Variants in PTCHD4 observed in about 807,000 individuals in gnomAD.
The protein encoded by PTCHD4 is patched domain-containing protein 4.
PTCHD4 carries 33 observed loss-of-function variants against 58.1 expected under a neutral mutation model. That is an observed-to-expected ratio of 0.57 (90% confidence interval 0.43 to 0.76). The LOEUF is 0.76. Among genes scored for constraint, PTCHD4 ranks in the 30% least tolerant of loss-of-function variants. PTCHD4 has a pLI of 0.00. For synonymous variants in PTCHD4, 478 were observed against 409.6 expected, an observed-to-expected ratio of 1.17 and a Z score of -2.02; for missense variants, 1,058 against 1,027.1, an observed-to-expected ratio of 1.03 and a Z score of -0.41.
Position 48,026,634 on chromosome 6 carries a change from C to G in PTCHD4, c.418-17520G>C, listed in dbSNP as rs1039153437. ...CTACATTCACTGGGGCTTTAGGTCC[C>G]CTATGCTCCACTGGAAGCTCTCAAG... On this transcript the variant is annotated intron_variant, in intron 3 of 4. Coordinates refer to ENST00000339488, the MANE Select transcript of PTCHD4 (RefSeq NM_001384253.1). 4.6e-5 allele frequency among the ~76,000 whole-genome samples: 7 copies of G among 152,162 alleles called. No homozygotes were observed. In the South Asian group the frequency reaches 1.5e-3, roughly 32 times the overall value.
At chr6:47,990,621 C>T (rs1368184648) in intron 4 of PTCHD4, among the ~76,000 whole-genome samples, 1 of 152,190 alleles carries the variant, frequency 6.6e-6, no homozygotes, top group Non-Finnish European at 1.5e-5. Flanking sequence ...TTCCCTCCCA[C>T]CATGATTCTG....
intron 3 of PTCHD4, among the ~76,000 whole-genome samples, chr6:48,017,648 A>C (rs1762912228): frequency 6.6e-6 from 1 of 152,174 alleles, no homozygotes; most frequent in African/African-American, 2.4e-5. Context: ...CAATTGCTCT[A>C]TGAAGAAGTG....
At chr6:47,993,405 C>T (rs1044828314) in intron 4 of PTCHD4, among the ~76,000 whole-genome samples, 5 of 152,160 alleles carry the variant, frequency 3.3e-5, no homozygotes, top group African/African-American at 1.2e-4. Context: ...GCTCTGCCCT[C>T]AAGACTTCCA....
At chr6:47,903,645 T>C (rs928962128) in intron 4 of PTCHD4, among the ~76,000 whole-genome samples, 5 of 152,184 alleles carry the variant, frequency 3.3e-5, no homozygotes, top group Non-Finnish European at 7.3e-5. Context: ...CAATATATAT[T>C]TATTGAATGT....
intron 1 of PTCHD4, among the ~76,000 whole-genome samples, chr6:48,093,703 C>T (rs948999372): frequency 3.3e-5 from 5 of 151,882 alleles, no homozygotes; most frequent in South Asian, 4.1e-4. Context: ...CCCCTTTTCC[C>T]CACCTTCATA....
At chr6:48,004,087 G>A (rs1768851413) in intron 4 of PTCHD4, among the ~76,000 whole-genome samples, 1 of 152,058 alleles carries the variant, frequency 6.6e-6, no homozygotes, top group Non-Finnish European at 1.5e-5. Context: ...GTCCTAAAAC[G>A]TAAGGTTCAT....
Position 48,068,493 on chromosome 6 carries a change from T to C in PTCHD4, c.154A>G (p.Thr52Ala), listed in dbSNP as rs1183036214. The C allele has an allele frequency of 2.5e-6, 4 of 1,613,128 alleles. No homozygotes were observed. The highest frequency in any genetic ancestry group is 4.5e-5 in the East Asian group (2 of 44,820). Reference sequence around the variant, plus strand: ...CGGTTGAGCGCGCTGAGGCCGAAGGTGATTGTCAGGACTGCGGGCACGGTG... The same window carrying C: ...CGGTTGAGCGCGCTGAGGCCGAAGGCGATTGTCAGGACTGCGGGCACGGTG... The part of the protein sequence containing the change: ...FLTVPAVLTI[T>A]FGLSALNRFQ... The change falls in exon 3 of 5, where the codon ACC becomes GCC. Residue 52 changes from threonine to alanine, a missense_variant. Transcript: ENST00000339488. The surrounding 1 kb of genome is among the most constrained non-coding windows in gnomAD (Gnocchi z 4.2).
intron 4 of PTCHD4, among the ~76,000 whole-genome samples, chr6:48,003,560 G>A (rs997237721): frequency 2.0e-5 from 3 of 152,044 alleles, no homozygotes; most frequent in South Asian, 2.1e-4. Flanking sequence ...TATATCCCAC[G>A]CAAAATTTGC....
chr6:47,995,555 C>T (rs556115050), intron 4 of PTCHD4, among the ~76,000 whole-genome samples: 8 of 152,206 alleles, frequency 5.3e-5, no homozygotes, highest in African/African-American at 1.7e-4. Flanking sequence ...TAATGGGATT[C>T]CTTCGTTGAG....
intron 4 of PTCHD4, among the ~76,000 whole-genome samples, chr6:47,967,682 A>C (rs371799671): frequency 9.8e-5 from 15 of 152,314 alleles, no homozygotes; most frequent in East Asian, 5.8e-4. Context: ...TTGTGATTGC[A>C]CTTGGTACCA....
intron 3 of PTCHD4, among the ~76,000 whole-genome samples, chr6:48,065,158 C>T (rs1262296463): frequency 1.3e-5 from 2 of 152,184 alleles, no homozygotes; most frequent in East Asian, 1.9e-4. Flanking sequence ...GTTGTCATAA[C>T]AAAGGTTTCT....
At chr6:47,901,883 C>G in intron 4 of PTCHD4, 1 of 1,303,588 alleles carries the variant, frequency 7.7e-7, no homozygotes, top group Non-Finnish European at 1.0e-6. Context: ...TCTCTCCTTT[C>G]TTTCTTCCAA....
At chr6:48,025,828 C>A (rs966728153) in intron 3 of PTCHD4, among the ~76,000 whole-genome samples, 1 of 152,128 alleles carries the variant, frequency 6.6e-6, no homozygotes. Context: ...GTTGCCTGGA[C>A]CTCATTGGAG....
At chr6:48,045,172 C>T (rs1444914842) in intron 3 of PTCHD4, among the ~76,000 whole-genome samples, 1 of 151,778 alleles carries the variant, frequency 6.6e-6, no homozygotes, top group Admixed American at 6.6e-5. Flanking sequence ...GTCGGCCCTG[C>T]ATCTAAATTG....
chr6:48,039,076 TGCACTTGGAGACAG>T (rs1260692450), intron 3 of PTCHD4, among the ~76,000 whole-genome samples: 2 of 152,166 alleles, frequency 1.3e-5, no homozygotes, highest in African/African-American at 4.8e-5. Flanking sequence ...TTAGCATACA[TGCACTTGGAGACAG>T]GCACAAAAAT....
At chr6:48,103,212 C>T (rs1765645759) in intron 1 of PTCHD4, among the ~76,000 whole-genome samples, 1 of 152,170 alleles carries the variant, frequency 6.6e-6, no homozygotes, top group South Asian at 2.1e-4. Context: ...CCAGTAGGGG[C>T]AGACTGACAC....
At chr6:48,040,657 G>A (rs1266795360) in intron 3 of PTCHD4, among the ~76,000 whole-genome samples, 1 of 152,096 alleles carries the variant, frequency 6.6e-6, no homozygotes, top group East Asian at 1.9e-4. Flanking sequence ...TATGTATTAA[G>A]TGTCAACTAT....
chr6:48,062,033 G>A (rs73479656), intron 3 of PTCHD4, among the ~76,000 whole-genome samples: 2,811 of 152,232 alleles, frequency 0.018, 90 homozygotes, highest in African/African-American at 0.065. Context: ...ACAGGTCTGG[G>A]CAAAAGCTGG....
chr6:48,019,750 T>A (rs184454044), intron 3 of PTCHD4, among the ~76,000 whole-genome samples: 27,485 of 143,402 alleles, frequency 0.19, 2,919 homozygotes, highest in South Asian at 0.24. Context: ...AAAAAAAAAA[T>A]AATAATATAT....
Sources: gnomAD v4.1 joint callset for allele counts (sites outside exome capture counted in the v4.1 genomes callset) on GRCh38, gnomAD v4.1.1 for gene constraint, Gnocchi (gnomAD v3.1) non-coding constraint, MANE v1.5 for transcripts, NCBI Gene and HGNC (gene_info 2026-07-23, HGNC 2026-07-21) for gene names.